NRROS: variants seen among roughly 807,000 people sequenced by gnomAD.
NRROS encodes the protein transforming growth factor beta activator LRRC33.
A neutral mutation model predicts 12.0 loss-of-function variants in NRROS; 6 were observed. The observed-to-expected ratio is 0.50, with a 90% confidence interval of 0.27 to 0.98. The LOEUF is 0.98. Among genes scored for constraint, NRROS ranks in the 50% least tolerant of loss-of-function variants. The pLI, the probability that NRROS is intolerant of heterozygous loss-of-function variation, is 0.11. For synonymous variants in NRROS, 462 were observed against 410.2 expected (o/e 1.13, Z -1.53); for missense variants, 857 against 888.2 (o/e 0.96, Z 0.45).
intron 1 of NRROS, among the ~76,000 whole-genome samples, chr3:196,645,811 G>A (rs1455579581): frequency 2.0e-5 from 3 of 152,136 alleles, no homozygotes; most frequent in South Asian, 2.1e-4. Flanking sequence ...CTGGGTGCTC[G>A]CTTCTCCCCT....
In NRROS at chr3:196,658,344, A is replaced by G. The variant is rs541478891; in HGVS notation, c.109-1408A>G. Among the ~76,000 whole-genome samples the G allele has an allele frequency of 2.4e-3, 371 of 152,336 alleles. 1 individual carries two copies. The highest frequency in any genetic ancestry group is 7.2e-3 in the African/African-American group (301 of 41,576). ...AGAAGGTGACTGGTGTTTCTCTGAG[A>G]GAGAGGCGGAGGTGACAGAAGAGTT... On this transcript the variant is annotated intron_variant, in intron 2 of 2. Coordinates refer to ENST00000328557, the MANE Select transcript of NRROS (RefSeq NM_198565.3).
chr3:196,654,666 C>T lies in NRROS; in HGVS notation c.108+19C>T. 1 of 1,490,798 alleles carries T rather than the reference C, an allele frequency of 6.7e-7. No homozygotes were observed. Among genetic ancestry groups the T allele is most frequent in the South Asian group, 1.1e-5 (1 of 87,320 alleles). The allele number at this position is 1,490,798 out of a possible 1,614,324, so 92.3% of individuals were successfully genotyped here. A position where few individuals can be genotyped will look rare whatever the true frequency, so the allele number is the denominator to read the frequency against. The stretch of plus-strand genomic sequence containing the variant: ...CAAGTTGGTGAGTTTCCCTTGAACC[C>T]TGATCTGTCGGCTGCTCCTGTCCTG... On this transcript the variant is annotated intron_variant, in intron 2 of 2. Transcript: ENST00000328557. This position sits in a 1 kb window ranked among gnomAD's most constrained non-coding sequence, Gnocchi z 4.4.
intron 1 of NRROS, among the ~76,000 whole-genome samples, chr3:196,648,609 A>G (rs1737353811): frequency 6.6e-6 from 1 of 151,956 alleles, no homozygotes; most frequent in Non-Finnish European, 1.5e-5. Flanking sequence ...TCTACTAAAA[A>G]TACAAAATTA....
intron 2 of NRROS, among the ~76,000 whole-genome samples, chr3:196,655,555 A>G (rs2108641079): frequency 6.6e-6 from 1 of 152,158 alleles, no homozygotes; most frequent in Admixed American, 6.5e-5. Flanking sequence ...AAACAAAACA[A>G]AACAAAAAAC....
Position 196,660,930 on chromosome 3 carries a change from T to A in NRROS, c.1287T>A (p.Thr429=), listed in dbSNP as rs770308685. ...PGLFANARNI[T]TLDMSHNQIS... ...TCTTCGCCAATGCTAGGAACATCAC[T>A]ACACTTGACATGAGCCACAATCAGA... Residue 429 remains threonine, a synonymous_variant, in exon 3 of 3, where the codon ACT becomes ACA. Transcript: ENST00000328557. The surrounding 1 kb of genome is among the most constrained non-coding windows in gnomAD (Gnocchi z 7.7). 1 of 1,614,154 alleles carries A rather than the reference T, an allele frequency of 6.2e-7. No homozygotes were observed. Among genetic ancestry groups the A allele is most frequent in the South Asian group, 1.1e-5 (1 of 91,086 alleles).
At chr3:196,643,519 G>A (rs1209406667) in intron 1 of NRROS, among the ~76,000 whole-genome samples, 1 of 152,212 alleles carries the variant, frequency 6.6e-6, no homozygotes, top group Non-Finnish European at 1.5e-5. Context: ...GCAACTTTCT[G>A]CTGCCACCTC....
At chr3:196,645,841 C>T (rs974486165) in intron 1 of NRROS, among the ~76,000 whole-genome samples, 6 of 152,194 alleles carry the variant, frequency 3.9e-5, no homozygotes, top group African/African-American at 7.2e-5. Context: ...AGGGTCCACA[C>T]GCTGCAGCTC....
Position 196,660,866 on chromosome 3 carries a change from A to G in NRROS, c.1223A>G (p.Asn408Ser), listed in dbSNP as rs1203883201. The G allele has an allele frequency of 9.3e-6, 15 of 1,613,822 alleles. No homozygotes were observed. Among genetic ancestry groups the G allele is most frequent in the Non-Finnish European group, 1.3e-5 (15 of 1,180,026 alleles). ...TGCCTGGGCAGCCTGCGCTTGTTCA[A>G]CCTGAGCTCCAACCAGCTCCTGGGC... The part of the protein sequence containing the change: ...ASCLGSLRLF[N>S]LSSNQLLGVP... Residue 408 changes from asparagine (N) to serine (S), a missense_variant, in exon 3 of 3, where the codon AAC (asparagine) becomes AGC (serine). By Grantham distance (46) the Asn-to-Ser change is conservative. Coordinates refer to ENST00000328557, the MANE Select transcript of NRROS (RefSeq NM_198565.3). The surrounding 1 kb of genome is among the most constrained non-coding windows in gnomAD (Gnocchi z 7.7).
chr3:196,659,706 T>C, intron 2 of NRROS, 46 bp from the exon 3 acceptor site: 1 of 1,556,898 alleles, frequency 6.4e-7, no homozygotes, highest in Non-Finnish European at 8.7e-7. Context: ...CATAAATGCT[T>C]GCCTCTGGGC....
intron 1 of NRROS, among the ~76,000 whole-genome samples, chr3:196,642,842 C>T (rs985154665): frequency 2.0e-5 from 3 of 152,128 alleles, no homozygotes; most frequent in East Asian, 1.9e-4. Flanking sequence ...GAGGCCGAGG[C>T]GGGTGGATCA....
In NRROS at chr3:196,660,807, G is replaced by A. The variant is rs1327593778; in HGVS notation, c.1164G>A (p.Leu388=). The change falls in exon 3 of 3, where the codon CTG becomes CTA. Residue 388 remains leucine, a synonymous_variant. Coordinates refer to ENST00000328557, the MANE Select transcript of NRROS (RefSeq NM_198565.3). The surrounding 1 kb of genome is among the most constrained non-coding windows in gnomAD (Gnocchi z 7.7). ...AGCTGGACCTGAGCCACAACCAGCT[G>A]TCGGAGCTGCACCTGGCTCCGGGGC... is the stretch of plus-strand genomic sequence containing the variant. ...LTELDLSHNQ[L]SELHLAPGLA... 8 of 1,613,660 alleles carry A rather than the reference G, an allele frequency of 5.0e-6. No homozygotes were observed. The highest frequency in any genetic ancestry group is 1.6e-4 in the Middle Eastern group (1 of 6,062).
intron 1 of NRROS, among the ~76,000 whole-genome samples, chr3:196,651,859 C>T (rs960807024): frequency 6.6e-6 from 1 of 152,182 alleles, no homozygotes; most frequent in African/African-American, 2.4e-5. Flanking sequence ...ATGTCTCTGT[C>T]CAAGGCAGAG....
At position 196,661,132 on chromosome 3, in the gene NRROS, G is replaced by C. The variant is rs1297642033; in HGVS notation, c.1489G>C (p.Gly497Arg). 2.5e-6 allele frequency: 4 copies of C among 1,613,324 alleles called. No homozygotes were observed. The highest frequency in any genetic ancestry group is 3.4e-6 in the Non-Finnish European group (4 of 1,179,426). Residue 497 changes from glycine (G) to arginine (R), a missense_variant, in exon 3 of 3, where the codon GGG becomes CGG. Physicochemically the swap from Gly to Arg is moderately radical, Grantham distance 125. Transcript: ENST00000328557. Reference protein sequence around the residue: ...LTYLDLSSNWGVLNGSLAPLQ... With the variant: ...LTYLDLSSNWRVLNGSLAPLQ... ...CTACTTAGACCTCTCAAGCAACTGG[G>C]GGGTTCTGAATGGGAGCCTCGCCCC...
chr3:196,647,550 C>A (rs779181112), intron 1 of NRROS, among the ~76,000 whole-genome samples: 3 of 152,138 alleles, frequency 2.0e-5, no homozygotes, highest in African/African-American at 7.2e-5. Context: ...AGATCACAAT[C>A]GGTTCTTTGC....
chr3:196,659,938 G>A lies in NRROS; in HGVS notation c.295G>A (p.Gly99Ser), dbSNP rs1577636927. The change falls in exon 3 of 3, where the codon GGC becomes AGC. Residue 99 changes from glycine to serine, a missense_variant. Physicochemically the swap from Gly to Ser is moderately conservative, Grantham distance 56. Coordinates refer to ENST00000328557, the MANE Select transcript of NRROS (RefSeq NM_198565.3). ...HSCHLERISR[G>S]AFQEQGHLRS... ...CTGCCACCTGGAGCGCATCAGCCGC[G>A]GCGCCTTCCAGGAGCAAGGTCACCT... The A allele has an allele frequency of 3.1e-6, 5 of 1,613,908 alleles. No individual in the cohort carries two copies. The African/African-American group carries it at 4.0e-5, about 13-fold the overall frequency.
At chr3:196,655,966 G>A (rs1737530864) in intron 2 of NRROS, among the ~76,000 whole-genome samples, 1 of 152,058 alleles carries the variant, frequency 6.6e-6, no homozygotes, top group Non-Finnish European at 1.5e-5. Flanking sequence ...AGGTCAAGAG[G>A]TCGAGACCAG....
chr3:196,661,596 C>T lies in NRROS; in HGVS notation c.1953C>T (p.Leu651=), dbSNP rs1737684061. Residue 651 remains leucine (L), a synonymous_variant, in exon 3 of 3, where the codon CTC becomes CTT. Transcript: ENST00000328557. ...GGGAGCGGCTGGACCTGGGCCTGCT[C>T]TACCTCGTGCTCATCCTCCCCAGCT... ...CKWERLDLGL[L]YLVLILPSCL... 6.2e-7 allele frequency: 1 copy of T among 1,613,700 alleles called. No homozygotes were observed. The highest frequency in any genetic ancestry group is 8.5e-7 in the Non-Finnish European group (1 of 1,180,014).
intron 1 of NRROS, among the ~76,000 whole-genome samples, chr3:196,646,473 A>G (rs569882282): frequency 2.6e-5 from 4 of 152,340 alleles, no homozygotes; most frequent in African/African-American, 9.6e-5. Context: ...CAGTGGGAGC[A>G]GGTTTGCATT....
rs904701983 is a variant in NRROS at position 196,661,404 on chromosome 3, G to A, written c.1761G>A (p.Arg587=). 3.2e-6 allele frequency: 5 copies of A among 1,572,828 alleles called. No individual in the cohort carries two copies. Among genetic ancestry groups the A allele is most frequent in the Non-Finnish European group, 4.3e-6 (5 of 1,156,642 alleles). ...AVSEQLSRGL[R]TIYLSQNPYD... is the part of the protein sequence containing the mutation. ...CTGAGCAGCTCTCGAGAGGTCTGCG[G>A]ACCATCTACCTCAGTCAGAATCCAT... The change falls in exon 3 of 3, where the codon CGG becomes CGA. Residue 587 remains arginine, a synonymous_variant. Transcript: ENST00000328557.
Sources: gnomAD v4.1 joint callset for allele counts (sites outside exome capture counted in the v4.1 genomes callset) on GRCh38, gnomAD v4.1.1 for gene constraint, Gnocchi (gnomAD v3.1) non-coding constraint, MANE v1.5 for transcripts, NCBI Gene and HGNC (gene_info 2026-07-23, HGNC 2026-07-21) for gene names.